Variants in SMYD2 observed in about 807,000 individuals in gnomAD.
SMYD2 encodes SET and MYND domain containing 2.
In SMYD2, 53 loss-of-function variants were observed where a neutral mutation model predicts 59.1. The ratio of observed to expected loss-of-function variants is 0.90; its 90% CI spans 0.72 to 1.13. SMYD2 has a LOEUF of 1.13. Ranked by LOEUF, SMYD2 falls within the 50% of genes most tolerant of loss-of-function variation. The pLI, the probability that SMYD2 is intolerant of heterozygous loss-of-function variation, is 0.00. For synonymous variants in SMYD2, 208 were observed against 198.8 expected, an observed-to-expected ratio of 1.05 and a Z score of -0.39; for missense variants, 494 against 544.7, an observed-to-expected ratio of 0.91 and a Z score of 0.93.
intron 2 of SMYD2, among the ~76,000 whole-genome samples, chr1:214,307,463 T>G (rs1176040230): frequency 2.0e-5 from 3 of 152,238 alleles, no homozygotes; most frequent in Non-Finnish European, 4.4e-5. Flanking sequence ...TTTTTCAGCC[T>G]GAGAGAATGA....
At chr1:214,305,075 G>A in intron 1 of SMYD2, 112 bp from the exon 2 acceptor site, 4 of 956,834 alleles carry the variant, frequency 4.2e-6, no homozygotes. Flanking sequence ...AGTAAGGTAA[G>A]GTGAACCTTG....
In SMYD2 at chr1:214,284,531, G is replaced by A. The variant is rs114831510; in HGVS notation, c.173+3104G>A. ...GATTACAGGCATGAGCCACTGCGCC[G>A]GGCCAAGTATGTTGTATTTTAAACT... On this transcript the variant is annotated intron_variant, in intron 1 of 11. Transcript: ENST00000366957. Among the ~76,000 whole-genome samples the A allele has an allele frequency of 2.6e-3, 386 of 150,148 alleles. 1 individual carries two copies. The highest frequency in any genetic ancestry group is 8.7e-3 in the African/African-American group (356 of 40,868).
chr1:214,305,038 A>G, intron 1 of SMYD2, 149 bp from the exon 2 acceptor site: 1 of 748,250 alleles, frequency 1.3e-6, no homozygotes, highest in Non-Finnish European at 2.3e-6. Context: ...TCAAACTCTT[A>G]AGGAACATGC....
intron 5 of SMYD2, among the ~76,000 whole-genome samples, chr1:214,320,356 G>A (rs1355521446): frequency 3.3e-5 from 5 of 152,318 alleles, no homozygotes; most frequent in Middle Eastern, 3.4e-3. Context: ...GAAAAATTTA[G>A]GCTTTTTACT....
chr1:214,281,446 CGGCGGCG>C lies in SMYD2; in HGVS notation c.173+25_173+31del. 7.3e-7 allele frequency: 1 copy of C among 1,375,424 alleles called. No individual in the cohort carries two copies. Among genetic ancestry groups the C allele is most frequent in the African/African-American group, 1.5e-5 (1 of 65,992 alleles). The allele number at this position is 1,375,424 out of a possible 1,614,324, so 85.2% of individuals were successfully genotyped here. ...TCACCAGGTAGGGCGGCGGCGGCGG[CGGCGGCG>C]GGCGGGAGCCGGGGGCGCCGAGCGG... On this transcript the variant is annotated intron_variant, in intron 1 of 11. Coordinates refer to ENST00000366957, the MANE Select transcript of SMYD2 (RefSeq NM_020197.3).
At chr1:214,313,692 A>G (rs781232432) in intron 2 of SMYD2, among the ~76,000 whole-genome samples, 10 of 151,942 alleles carry the variant, frequency 6.6e-5, no homozygotes, top group Non-Finnish European at 1.3e-4. Flanking sequence ...CACTAAGCCT[A>G]TCTCCAGCAC....
rs891064325 is a variant in SMYD2 at position 214,318,483 on chromosome 1, A to G, written c.409+344A>G. On this transcript the variant is annotated intron_variant, in intron 4 of 11. Transcript: ENST00000366957. This position sits in a 1 kb window ranked among gnomAD's most constrained non-coding sequence, Gnocchi z 5.4. ...TGATGTTCTTACTGAAAGCCGTGAA[A>G]TCAGGGGTTGTCCAGTTGTTTGACC... Among the ~76,000 whole-genome samples, 4 of 152,104 alleles carry G rather than the reference A, an allele frequency of 2.6e-5. No individual in the cohort carries two copies. Among genetic ancestry groups the G allele is most frequent in the African/African-American group, 9.7e-5 (4 of 41,406 alleles).
chr1:214,317,186 T>A (rs6680694), intron 3 of SMYD2, among the ~76,000 whole-genome samples: 4,673 of 152,276 alleles, frequency 0.031, 256 homozygotes, highest in African/African-American at 0.11. Flanking sequence ...AGGAGGGTAG[T>A]CTGAATGCAA....
intron 1 of SMYD2, among the ~76,000 whole-genome samples, chr1:214,289,881 C>G (rs1656609264): frequency 6.6e-6 from 1 of 152,228 alleles, no homozygotes; most frequent in South Asian, 2.1e-4. Context: ...CAGGAACTTG[C>G]ATTGTTAGCC....
intron 10 of SMYD2, 131 bp downstream of exon 10, chr1:214,332,323 T>A: frequency 9.6e-7 from 1 of 1,041,156 alleles, no homozygotes; most frequent in Non-Finnish European, 1.4e-6. Context: ...CACCCACATC[T>A]GGAGGTGCTG....
chr1:214,328,374 TC>T (rs1657295743), intron 7 of SMYD2, among the ~76,000 whole-genome samples: 1 of 152,180 alleles, frequency 6.6e-6, no homozygotes, highest in Non-Finnish European at 1.5e-5. Context: ...CACCTTAGTT[TC>T]CCTCCTCAGC....
intron 1 of SMYD2, among the ~76,000 whole-genome samples, chr1:214,298,263 A>G (rs1656765033): frequency 6.6e-6 from 1 of 152,208 alleles, no homozygotes. Flanking sequence ...ACCTACAGTC[A>G]TCTAATCTTT....
chr1:214,300,176 G>A (rs1030056903), intron 1 of SMYD2, among the ~76,000 whole-genome samples: 1 of 152,078 alleles, frequency 6.6e-6, no homozygotes, highest in Non-Finnish European at 1.5e-5. Context: ...CAGGTATTTG[G>A]TTCACTGAGC....
At chr1:214,300,361 A>C (rs1281115100) in intron 1 of SMYD2, among the ~76,000 whole-genome samples, 1 of 152,180 alleles carries the variant, frequency 6.6e-6, no homozygotes, top group Non-Finnish European at 1.5e-5. Flanking sequence ...CCTTCTATGT[A>C]CACAATAAAT....
At chr1:214,331,995 C>T (rs1325185221) in intron 9 of SMYD2, 23 bp from the exon 10 acceptor site, 15 of 1,604,052 alleles carry the variant, frequency 9.4e-6, no homozygotes, top group African/African-American at 1.3e-5. Context: ...GGCCCGGTGG[C>T]CCTTTCCTTG....
intron 1 of SMYD2, among the ~76,000 whole-genome samples, chr1:214,304,017 A>G (rs1459166788): frequency 6.6e-6 from 1 of 152,260 alleles, no homozygotes; most frequent in Non-Finnish European, 1.5e-5. Context: ...AGAGTTTTGT[A>G]GTATGTGGCT....
At chr1:214,301,541 C>T (rs188321684) in intron 1 of SMYD2, among the ~76,000 whole-genome samples, 1 of 144,980 alleles carries the variant, frequency 6.9e-6, no homozygotes, top group East Asian at 2.1e-4. Flanking sequence ...CTTAATATTA[C>T]CACTAGTCTC....
chr1:214,281,485 T>C (rs962468912), intron 1 of SMYD2, 58 bp downstream of exon 1: 4 of 1,154,910 alleles, frequency 3.5e-6, no homozygotes, highest in African/African-American at 1.7e-5. Flanking sequence ...GCGGGAGGCT[T>C]GGACGGCGGC....
At chr1:214,305,370 A>G (rs1571924961) in intron 2 of SMYD2, 120 bp downstream of exon 2, 5 of 981,858 alleles carry the variant, frequency 5.1e-6, no homozygotes, top group Non-Finnish European at 8.0e-6. Context: ...ATGTGGCTGG[A>G]TATCCTTGGA....
Sources: allele counts gnomAD v4.1 joint callset (sites outside exome capture counted in the v4.1 genomes callset), GRCh38; gene constraint gnomAD v4.1.1; non-coding constraint Gnocchi (gnomAD v3.1); transcripts MANE v1.5; gene names NCBI Gene and HGNC (gene_info 2026-07-23, HGNC 2026-07-21).